Variants in PRKCZ observed in about 807,000 individuals in gnomAD.
The protein encoded by PRKCZ is protein kinase C zeta type.
A neutral mutation model predicts 79.5 loss-of-function variants in PRKCZ; 33 were observed. That is an observed-to-expected ratio of 0.41 (90% CI 0.31 to 0.55). The LOEUF (loss-of-function observed/expected upper bound fraction) is 0.55, where lower values mean the gene tolerates loss of function less well. Ranked by LOEUF, PRKCZ falls within the 20% of genes least tolerant of loss-of-function variation. The pLI, the probability that PRKCZ is intolerant of heterozygous loss-of-function variation, is 0.19. For synonymous variants in PRKCZ, 342 were observed against 320.9 expected, an observed-to-expected ratio of 1.07 and a Z score of -0.70; for missense variants, 578 against 813.5, an observed-to-expected ratio of 0.71 and a Z score of 3.52.
At chr1:2,144,718 A>G (rs1678139863) in intron 6 of PRKCZ, 2 of 853,046 alleles carry the variant, frequency 2.3e-6, no homozygotes, top group South Asian at 4.1e-5. Context: ...TGAGGCTCCG[A>G]ACATCTGGAG....
intron 4 of PRKCZ, among the ~76,000 whole-genome samples, chr1:2,072,947 C>T (rs751287475): frequency 6.6e-6 from 1 of 152,058 alleles, no homozygotes; most frequent in Non-Finnish European, 1.5e-5. Context: ...GAGCACCCCG[C>T]GACCCCCCAT....
At chr1:2,135,215 C>G (rs765583968) in intron 4 of PRKCZ, 47 bp from the exon 5 acceptor site, 1 of 1,538,662 alleles carries the variant, frequency 6.5e-7, no homozygotes, top group Non-Finnish European at 8.9e-7. Context: ...TGCGTGGGCT[C>G]GTGGCTGCCA....
chr1:2,167,950 C>T (rs1183403408), intron 10 of PRKCZ, among the ~76,000 whole-genome samples: 1 of 152,174 alleles, frequency 6.6e-6, no homozygotes, highest in Non-Finnish European at 1.5e-5. Context: ...CGTTTTCTGA[C>T]CGACTCTTAG....
Position 2,184,564 on chromosome 1 carries a change from C to G in PRKCZ, c.1576-19C>G. Reference sequence around the variant, plus strand: ...TGATGCCCGCGCGGAGCTGACCCTTCTCCTATTGTTTTTCCAAGCTGGAGA... The same window carrying G: ...TGATGCCCGCGCGGAGCTGACCCTTGTCCTATTGTTTTTCCAAGCTGGAGA... On this transcript the variant is annotated intron_variant, in intron 16 of 17. Coordinates refer to ENST00000378567, the MANE Select transcript of PRKCZ (RefSeq NM_002744.6). The G allele has an allele frequency of 6.2e-7, 1 of 1,606,242 alleles. No homozygotes were observed. The highest frequency in any genetic ancestry group is 8.5e-7 in the Non-Finnish European group (1 of 1,173,908).
intron 4 of PRKCZ, among the ~76,000 whole-genome samples, chr1:2,118,204 C>T (rs1671133231): frequency 6.6e-6 from 1 of 151,482 alleles, no homozygotes; most frequent in African/African-American, 2.4e-5. Context: ...ACCATGTTGG[C>T]CAAGCTGGTC....
rs1197872908 is a variant in PRKCZ at position 2,102,949 on chromosome 1, G to A, written c.335-32313G>A. On this transcript the variant is annotated intron_variant, in intron 4 of 17. Coordinates refer to ENST00000378567, the MANE Select transcript of PRKCZ (RefSeq NM_002744.6). Reference sequence around the variant, plus strand: ...GGCTGGAGTACAGTGGTACAATCACGGCTCACTGCAGCTGGGCTCAAGCAA... The same window carrying A: ...GGCTGGAGTACAGTGGTACAATCACAGCTCACTGCAGCTGGGCTCAAGCAA... Among the ~76,000 whole-genome samples, 9 of 152,030 alleles carry A rather than the reference G, an allele frequency of 5.9e-5. No homozygotes were observed. In the East Asian group the frequency reaches 9.8e-4, roughly 16 times the overall value.
At chr1:2,051,466 T>C (rs917087466) in intron 1 of PRKCZ, among the ~76,000 whole-genome samples, 7 of 152,210 alleles carry the variant, frequency 4.6e-5, no homozygotes, top group Non-Finnish European at 8.8e-5. Context: ...GGGTTTGTTC[T>C]TCCACCTGTG....
intron 4 of PRKCZ, among the ~76,000 whole-genome samples, chr1:2,131,905 G>A (rs746471683): frequency 1.8e-4 from 27 of 152,188 alleles, no homozygotes; most frequent in Non-Finnish European, 2.6e-4. Flanking sequence ...TCCACCTCCC[G>A]GGTTCACGCC....
intron 4 of PRKCZ, among the ~76,000 whole-genome samples, chr1:2,103,617 C>T (rs1018298123): frequency 6.6e-6 from 1 of 152,206 alleles, no homozygotes. Context: ...CACGGTGGCG[C>T]GTGTCTGTAG....
intron 4 of PRKCZ, among the ~76,000 whole-genome samples, chr1:2,063,656 C>G (rs1165613763): frequency 6.6e-6 from 1 of 152,162 alleles, no homozygotes; most frequent in Non-Finnish European, 1.5e-5. Context: ...CCCATGGTGC[C>G]TGCAGCATTT....
At chr1:2,159,964 T>C (rs1557706241) in intron 10 of PRKCZ, among the ~76,000 whole-genome samples, 1 of 152,200 alleles carries the variant, frequency 6.6e-6, no homozygotes, top group Non-Finnish European at 1.5e-5. Context: ...GGACACTTTC[T>C]CACTAAGGCA....
chr1:2,085,647 CG>C (rs1664374428), intron 4 of PRKCZ, among the ~76,000 whole-genome samples: 1 of 140,218 alleles, frequency 7.1e-6, no homozygotes, highest in African/African-American at 2.6e-5. Flanking sequence ...CTGAGGACGT[CG>C]GGGGGCCCTG....
At chr1:2,060,304 C>G (rs1026163130) in intron 4 of PRKCZ, among the ~76,000 whole-genome samples, 17 of 152,222 alleles carry the variant, frequency 1.1e-4, no homozygotes. Flanking sequence ...CTTCCCCCAC[C>G]CCTGCTGCCA....
intron 4 of PRKCZ, among the ~76,000 whole-genome samples, chr1:2,061,323 C>T (rs1021905854): frequency 1.3e-5 from 2 of 152,066 alleles, no homozygotes; most frequent in South Asian, 2.1e-4. Context: ...CTCGGCATTG[C>T]CTCTCTGCCC....
upstream of PRKCZ, chr1:2,050,090 TG>T (rs1659495999): frequency 6.6e-6 from 1 of 151,480 alleles, no homozygotes; most frequent in Non-Finnish European, 1.5e-5. Flanking sequence ...TCGGAGGGTC[TG>T]GGCGAAGGCC....
intron 1 of PRKCZ, among the ~76,000 whole-genome samples, chr1:2,051,449 G>A (rs1308195798): frequency 6.6e-6 from 1 of 152,230 alleles, no homozygotes; most frequent in African/African-American, 2.4e-5. Context: ...GGGAGGGGAG[G>A]ACCCGTGGGT....
intron 5 of PRKCZ, chr1:2,143,471 A>C (rs1435104583): frequency 6.6e-6 from 1 of 152,288 alleles, no homozygotes; most frequent in African/African-American, 2.4e-5. Context: ...ACATGGTGAC[A>C]GTGCAGATGC....
chr1:2,155,935 C>T, intron 9 of PRKCZ, 60 bp from the exon 10 acceptor site: 1 of 1,460,066 alleles, frequency 6.8e-7, no homozygotes, highest in Admixed American at 1.7e-5. Context: ...TCCCCCTTGC[C>T]CAGGATGCCT....
chr1:2,144,757 C>T (rs1336013262), intron 6 of PRKCZ: 1 of 559,800 alleles, frequency 1.8e-6, no homozygotes. Context: ...CCTGGGAAGC[C>T]ATGCCCAGCC....
Sources: allele counts gnomAD v4.1 joint callset (sites outside exome capture counted in the v4.1 genomes callset), GRCh38; gene constraint gnomAD v4.1.1; transcripts MANE v1.5; gene names NCBI Gene and HGNC (gene_info 2026-07-23, HGNC 2026-07-21).